FAM149A: variants seen among roughly 807,000 people sequenced by gnomAD.
FAM149A encodes family with sequence similarity 149 member A.
Under a neutral mutation model 78.2 loss-of-function variants are expected in FAM149A, and 71 were observed. The observed-to-expected ratio is 0.91, with a 90% CI of 0.75 to 1.11. FAM149A has a LOEUF of 1.11. Ranked by LOEUF, FAM149A falls within the 50% of genes least tolerant of loss-of-function variation. The pLI, the probability that FAM149A is intolerant of heterozygous loss-of-function variation, is 0.00. For synonymous variants in FAM149A, 446 were observed against 410.5 expected (o/e 1.09, Z -1.04); for missense variants, 1,036 against 971.0 (o/e 1.07, Z -0.89).
rs2150072454 is a variant in FAM149A, at chr4:186,105,181, C to T, written c.105C>T (p.Ala35=). ...CCTCCAGACCCTCGGGAGGTGCTGC[C>T]GCTGCAGGGTCGGGGGGCTCCAGGG... The change falls in exon 1 of 14, where the codon GCC becomes GCT. Residue 35 remains alanine, a synonymous_variant. Transcript: ENST00000389354. 1.6e-6 allele frequency: 2 copies of T among 1,275,518 alleles called. No individual in the cohort carries two copies. Among genetic ancestry groups the T allele is most frequent in the African/African-American group, 1.6e-5 (1 of 63,384 alleles). 79.0% of individuals were successfully genotyped at this position (1,275,518 alleles called of 1,614,324 possible).
intron 11 of FAM149A, 140 bp from the exon 12 acceptor site, chr4:186,166,828 C>T (rs1735071083): frequency 1.5e-6 from 1 of 683,834 alleles, no homozygotes; most frequent in South Asian, 2.0e-5. Context: ...AGGTATTTAT[C>T]CTTAGGAGAC....
chr4:186,131,085 C>T (rs1465813040), intron 1 of FAM149A, among the ~76,000 whole-genome samples: 1 of 152,080 alleles, frequency 6.6e-6, no homozygotes, highest in Admixed American at 6.6e-5. Context: ...CAGTGGCTCA[C>T]GCCTGTAATC....
intron 4 of FAM149A, chr4:186,153,319 G>C (rs141446801): frequency 1.1e-6 from 1 of 924,692 alleles, no homozygotes; most frequent in African/African-American, 1.8e-5. Context: ...TTTGTGCCCA[G>C]TGTTGCCTTA....
At chr4:186,123,531 A>G (rs1392137822) in intron 1 of FAM149A, 1 of 305,524 alleles carries the variant, frequency 3.3e-6, no homozygotes, top group Non-Finnish European at 4.8e-6. Flanking sequence ...GAGATGAGGG[A>G]GAAAGAGCAC....
chr4:186,123,469 T>C, intron 1 of FAM149A: 7 of 718,710 alleles, frequency 9.7e-6, no homozygotes, highest in Non-Finnish European at 1.2e-5. Context: ...TTCATGGCTC[T>C]TTATTAATAA....
chr4:186,150,491 C>A (rs866192618), intron 3 of FAM149A, among the ~76,000 whole-genome samples: 1 of 129,768 alleles, frequency 7.7e-6, no homozygotes, highest in South Asian at 2.8e-4. Flanking sequence ...GCGATCTCGG[C>A]TCACTGCAAG....
chr4:186,109,289 TATTAGC>T, intron 1 of FAM149A: 1 of 805,324 alleles, frequency 1.2e-6, no homozygotes, highest in Non-Finnish European at 1.5e-6. Flanking sequence ...AAGTCATAGT[TATTAGC>T]AAGCATATAT....
chr4:186,142,039 A>C (rs771483219), intron 1 of FAM149A, among the ~76,000 whole-genome samples: 8 of 152,144 alleles, frequency 5.3e-5, no homozygotes, highest in Non-Finnish European at 7.3e-5. Flanking sequence ...CTGAGAGGCT[A>C]CTTAGTTGCA....
intron 2 of FAM149A, 44 bp downstream of exon 2, chr4:186,149,327 C>G (rs768953893): frequency 9.5e-6 from 12 of 1,267,718 alleles, no homozygotes; most frequent in Non-Finnish European, 9.2e-6. Context: ...ACAAAATGCC[C>G]GTAACAAATG....
intron 8 of FAM149A, chr4:186,158,034 C>T: frequency 7.1e-7 from 1 of 1,407,780 alleles, no homozygotes; most frequent in Non-Finnish European, 9.4e-7. Context: ...CCAGCGATGG[C>T]ATCTCTGTCA....
At chr4:186,129,197 A>ATG (rs901705679) in intron 1 of FAM149A, among the ~76,000 whole-genome samples, 1 of 150,598 alleles carries the variant, frequency 6.6e-6, no homozygotes, top group Non-Finnish European at 1.5e-5. Flanking sequence ...ATGAGTGTGC[A>ATG]TGTGTGTGTG....
chr4:186,133,008 T>C lies in FAM149A; in HGVS notation c.567-16165T>C, dbSNP rs192022765. ...GCTGTGCTCTGAGACGAGCTCTGCCTATAGAGCTGGCCTGCACTCAGCACT... is the reference window on the plus strand; with the variant it reads ...GCTGTGCTCTGAGACGAGCTCTGCCCATAGAGCTGGCCTGCACTCAGCACT... On this transcript the variant is annotated intron_variant, in intron 1 of 13. Coordinates refer to ENST00000389354, the MANE Select transcript of FAM149A (RefSeq NM_001367768.3). 1.7e-4 allele frequency: 171 copies of C among 985,420 alleles called. No individual in the cohort carries two copies. The Middle Eastern group carries it at 7.8e-3, about 45-fold the overall frequency. The allele number at this position is 985,420 out of a possible 1,614,324, so 61.0% of individuals were successfully genotyped here.
rs1280237460 is a variant in FAM149A at position 186,144,797 on chromosome 4, G to A, written c.567-4376G>A. On this transcript the variant is annotated intron_variant, in intron 1 of 13. Coordinates refer to ENST00000389354, the MANE Select transcript of FAM149A (RefSeq NM_001367768.3). This position sits in a 1 kb window ranked among gnomAD's most constrained non-coding sequence, Gnocchi z 4.2. ...CCGGGATTAGCTGGCGGGCGAGGGC[G>A]CAGCGCAGGGAGGAGGAGGGGAGGC... 5 of 981,442 alleles carry A rather than the reference G, an allele frequency of 5.1e-6. No individual in the cohort carries two copies. Among genetic ancestry groups the A allele is most frequent in the Non-Finnish European group, 3.6e-6 (3 of 826,724 alleles). The allele number at this position is 981,442 out of a possible 1,614,324, so 60.8% of individuals were successfully genotyped here. A position where few individuals can be genotyped will look rare whatever the true frequency, so the allele number is the denominator to read the frequency against.
intron 1 of FAM149A, among the ~76,000 whole-genome samples, chr4:186,119,337 G>A (rs2099315033): frequency 6.6e-6 from 1 of 152,168 alleles, no homozygotes; most frequent in African/African-American, 2.4e-5. Flanking sequence ...CCCTTTTTGA[G>A]AGGTAGAAAT....
chr4:186,158,027 G>A (rs1222503373), intron 8 of FAM149A: 1 of 1,428,278 alleles, frequency 7.0e-7, no homozygotes. Flanking sequence ...GGACGGACCA[G>A]CGATGGCATC....
chr4:186,149,382 T>C, intron 2 of FAM149A, 99 bp downstream of exon 2: 1 of 1,173,378 alleles, frequency 8.5e-7, no homozygotes, highest in Non-Finnish European at 1.1e-6. Flanking sequence ...AAAAGTAAGA[T>C]GCAGTTTTAT....
At chr4:186,154,108 G>A (rs998232130) in intron 5 of FAM149A, among the ~76,000 whole-genome samples, 2 of 152,170 alleles carry the variant, frequency 1.3e-5, no homozygotes, top group African/African-American at 2.4e-5. Context: ...GCCTCCAGGC[G>A]GTGGCAGCAG....
intron 1 of FAM149A, among the ~76,000 whole-genome samples, chr4:186,139,710 C>T (rs140050735): frequency 6.6e-6 from 1 of 152,262 alleles, no homozygotes; most frequent in East Asian, 1.9e-4. Context: ...CCCAGATGGA[C>T]TAGGACAGTG....
At position 186,105,082 on chromosome 4, in the gene FAM149A, G is replaced by C. The variant is rs528013234; in HGVS notation, c.6G>C (p.Lys2Asn). 36 of 1,275,386 alleles carry C rather than the reference G, an allele frequency of 2.8e-5. No homozygotes were observed. The African/African-American group carries it at 5.4e-4, about 19-fold the overall frequency. The allele number at this position is 1,275,386 out of a possible 1,614,324, so 79.0% of individuals were successfully genotyped here. A position where few individuals can be genotyped will look rare whatever the true frequency, so the allele number is the denominator to read the frequency against. The change falls in exon 1 of 14, where the codon AAG becomes AAC. Residue 2 changes from lysine to asparagine, a missense_variant. By Grantham distance (94) the Lys-to-Asn change is moderately conservative. Transcript: ENST00000389354. ...GGCGTGTCCACTGTCGAGGCATGAA[G>C]GCTGCTGTGCTGGACCTTGGGTCTC...
Sources: allele counts gnomAD v4.1 joint callset (sites outside exome capture counted in the v4.1 genomes callset), GRCh38; gene constraint gnomAD v4.1.1; non-coding constraint Gnocchi (gnomAD v3.1); transcripts MANE v1.5; gene names NCBI Gene and HGNC (gene_info 2026-07-23, HGNC 2026-07-21).